Variants in TEX51 observed in about 807,000 individuals in gnomAD.
The protein encoded by TEX51 is testis expressed 51.
In TEX51, 14 loss-of-function variants were observed where a neutral mutation model predicts 8.0. That is an observed-to-expected ratio of 1.76 (90% CI 1.16 to 2.75). The LOEUF is 2.75. TEX51 is among the 30% of genes most tolerant of loss of function. The pLI, the probability that TEX51 is intolerant of heterozygous loss-of-function variation, is 0.00. For missense variants in TEX51, 142 were observed against 77.4 expected, an observed-to-expected ratio of 1.83 and a Z score of -3.13; for synonymous variants, 58 against 28.6, an observed-to-expected ratio of 2.03 and a Z score of -3.29.
chr2:126,901,719 G>A (rs1291492006), intron 6 of TEX51, 153 bp from the exon 7 acceptor site: 2 of 571,442 alleles, frequency 3.5e-6, no homozygotes, highest in Non-Finnish European at 6.2e-6. Context: ...GCCCTGCCCT[G>A]ACCCACAGGG....
rs1680212509 is a variant in TEX51, at chr2:126,899,582, A to T, written c.280A>T (p.Asn94Tyr). 3 of 702,076 alleles carry T rather than the reference A, an allele frequency of 4.3e-6. No individual in the cohort carries two copies. The highest frequency in any genetic ancestry group is 7.8e-6 in the Non-Finnish European group (3 of 384,770). 43.5% of individuals were successfully genotyped at this position (702,076 alleles called of 1,614,324 possible). ...CAAGAATCTCTTTACTGAGAGGCTG[A>T]ATAAGATATCTGATGGGCTGAAGGA... Reference protein sequence around the residue: ...THKNLFTERLNKISDGLKEKD... With the variant: ...THKNLFTERLYKISDGLKEKD... The change falls in exon 3 of 7, where the codon AAT becomes TAT. Residue 94 changes from asparagine to tyrosine, a missense_variant. Transcript: ENST00000568484.
At position 126,901,327 on chromosome 2, in the gene TEX51, C is replaced by G. The variant is rs1198376279; in HGVS notation, c.464-38C>G. The G allele has an allele frequency of 4.3e-6, 3 of 702,156 alleles. No individual in the cohort carries two copies. In the Admixed American group the frequency reaches 6.0e-5, roughly 14 times the overall value. The allele number at this position is 702,156 out of a possible 1,614,324, so 43.5% of individuals were successfully genotyped here. ...CCCAGCATCCCCAGGGAAGACACAC[C>G]TATTCCCTGACTGACTCCACCCTGT... On this transcript the variant is annotated intron_variant, in intron 5 of 6. Transcript: ENST00000568484.
At position 126,899,616 on chromosome 2, in the gene TEX51, A is replaced by G. The variant is rs1233548668; in HGVS notation, c.310+4A>G. ...TCTGATGGGCTGAAGGAGAAGGGTA[A>G]GGGGTGGGGACGATCCCTGCACACG... is the stretch of plus-strand genomic sequence containing the variant. On this transcript the variant is annotated splice_donor_region_variant and intron_variant, in intron 3 of 6. Transcript: ENST00000568484. 1.4e-6 allele frequency: 1 copy of G among 701,274 alleles called. No individual in the cohort carries two copies. The highest frequency in any genetic ancestry group is 2.0e-5 in the Admixed American group (1 of 49,962). The allele number at this position is 701,274 out of a possible 1,614,324, so 43.4% of individuals were successfully genotyped here. A position where few individuals can be genotyped will look rare whatever the true frequency, so the allele number is the denominator to read the frequency against.
Position 126,901,985 on chromosome 2 carries a change from TG to T in TEX51, c.*119del, listed in dbSNP as rs761908841. 8 of 604,550 alleles carry T rather than the reference TG, an allele frequency of 1.3e-5. No individual in the cohort carries two copies. The highest frequency in any genetic ancestry group is 3.1e-5 in the East Asian group (1 of 32,218). The allele number at this position is 604,550 out of a possible 1,614,324, so 37.4% of individuals were successfully genotyped here. A position where few individuals can be genotyped will look rare whatever the true frequency, so the allele number is the denominator to read the frequency against. ...CCCCATCCCCCCATACCCTCCATCC[TG>T]GGTCCTGGGGCCCCAAAGCTCTGAG... On this transcript the variant is annotated 3_prime_UTR_variant, in exon 7 of 7. Transcript: ENST00000568484.
chr2:126,901,817 G>C (rs1680347491), intron 6 of TEX51, 55 bp from the exon 7 acceptor site: 1 of 577,036 alleles, frequency 1.7e-6, no homozygotes, highest in Non-Finnish European at 3.1e-6. Context: ...ACAGGGAGGA[G>C]GCCAGAGTAG....
Position 126,899,520 on chromosome 2 carries a change from C to G in TEX51, c.221-3C>G. 1.8e-6 allele frequency: 1 copy of G among 559,158 alleles called. No homozygotes were observed. The highest frequency in any genetic ancestry group is 3.2e-6 in the Non-Finnish European group (1 of 311,262). 34.6% of individuals were successfully genotyped at this position (559,158 alleles called of 1,614,324 possible). ...AACACCCCTTCCCTCCTGCTCTACC[C>G]AGATAAAACAGTACTTCTGGAAGAG... On this transcript the variant is annotated splice_polypyrimidine_tract_variant and splice_region_variant and intron_variant, in intron 2 of 6. Transcript: ENST00000568484.
chr2:126,900,003 C>A lies in TEX51; in HGVS notation c.378C>A (p.Asp126Glu). ...DCRTHFLSCN[D>E]PTFCPARNRR... The stretch of plus-strand genomic sequence containing the variant: ...GGACTCACTTCCTCTCCTGCAATGA[C>A]CCCACTTTCTGCCCAGGTCAGTGGC... The change falls in exon 4 of 7, where the codon GAC becomes GAA. Residue 126 changes from aspartate (D) to glutamate (E), a missense_variant. Transcript: ENST00000568484. 1 of 701,076 alleles carries A rather than the reference C, an allele frequency of 1.4e-6. No homozygotes were observed. The highest frequency in any genetic ancestry group is 2.6e-6 in the Non-Finnish European group (1 of 384,802). 43.4% of individuals were successfully genotyped at this position (701,076 alleles called of 1,614,324 possible). A position where few individuals can be genotyped will look rare whatever the true frequency, so the allele number is the denominator to read the frequency against.
intron 3 of TEX51, 63 bp downstream of exon 3, chr2:126,899,675 A>G: frequency 1.4e-6 from 1 of 694,178 alleles, no homozygotes; most frequent in Non-Finnish European, 2.6e-6. Context: ...GACCCAAGGC[A>G]TGCAGATTTC....
chr2:126,900,206 C>T (rs929874135), intron 4 of TEX51, among the ~76,000 whole-genome samples, 187 bp downstream of exon 4: 3 of 152,032 alleles, frequency 2.0e-5, no homozygotes, highest in Non-Finnish European at 4.4e-5. Flanking sequence ...CCCTTGGAGG[C>T]ATCTGCCTGT....
chr2:126,901,350 T>C lies in TEX51; in HGVS notation c.464-15T>C, dbSNP rs1394892250. 3 of 702,294 alleles carry C rather than the reference T, an allele frequency of 4.3e-6. No individual in the cohort carries two copies. Among genetic ancestry groups the C allele is most frequent in the Non-Finnish European group, 7.8e-6 (3 of 384,800 alleles). 43.5% of individuals were successfully genotyped at this position (702,294 alleles called of 1,614,324 possible). ...ACCTATTCCCTGACTGACTCCACCCTGTTTCTTGGCCCAGATGTTTCTTTT... is the reference window on the plus strand; with the variant it reads ...ACCTATTCCCTGACTGACTCCACCCCGTTTCTTGGCCCAGATGTTTCTTTT... On this transcript the variant is annotated splice_polypyrimidine_tract_variant and intron_variant, in intron 5 of 6. Coordinates refer to ENST00000568484, the MANE Select transcript of TEX51 (RefSeq NM_001322244.2).
At position 126,900,444 on chromosome 2, in the gene TEX51, C is replaced by T. The variant is rs1301372594; in HGVS notation, c.394+425C>T. ...GAAAAGAAAAAGAAAAATGCCCAAT[C>T]CCATCAAACCCCCAAACCTGTTCTT... On this transcript the variant is annotated intron_variant, in intron 4 of 6. Coordinates refer to ENST00000568484, the MANE Select transcript of TEX51 (RefSeq NM_001322244.2). Among the ~76,000 whole-genome samples the T allele has an allele frequency of 4.0e-5, 6 of 151,814 alleles. No homozygotes were observed. In the East Asian group the frequency reaches 1.2e-3, roughly 29 times the overall value.
In TEX51 at chr2:126,899,224, C is replaced by T; in HGVS notation, c.153C>T (p.Asp51=). 1 of 702,256 alleles carries T rather than the reference C, an allele frequency of 1.4e-6. No individual in the cohort carries two copies. The highest frequency in any genetic ancestry group is 2.6e-6 in the Non-Finnish European group (1 of 384,822). The allele number at this position is 702,256 out of a possible 1,614,324, so 43.5% of individuals were successfully genotyped here. The change falls in exon 2 of 7, where the codon GAC becomes GAT. Residue 51 remains aspartate (D), a synonymous_variant. Transcript: ENST00000568484. ...CCTGTATCTCATCCTCAGATCGTGA[C>T]CATTTGGAAGAAGAAACAGCCAAAT... ...GPPTELSQNR[D]HLEEETAKFF...
chr2:126,901,994 G>GGCCCCAAAGCTCTGAGGCCTA lies in TEX51; in HGVS notation c.*126_*127insCCCCAAAGCTCTGAGGCCTAG. On this transcript the variant is annotated 3_prime_UTR_variant, in exon 7 of 7. Transcript: ENST00000568484. The stretch of plus-strand genomic sequence containing the variant: ...CCCATACCCTCCATCCTGGGTCCTG[G>GGCCCCAAAGCTCTGAGGCCTA]GGCCCCAAAGCTCTGAGGCCTAGGA... 1.7e-6 allele frequency: 1 copy of GGCCCCAAAGCTCTGAGGCCTA among 581,438 alleles called. No homozygotes were observed. 36.0% of individuals were successfully genotyped at this position (581,438 alleles called of 1,614,324 possible). A position where few individuals can be genotyped will look rare whatever the true frequency, so the allele number is the denominator to read the frequency against.
intron 3 of TEX51, 68 bp from the exon 4 acceptor site, chr2:126,899,868 G>T: frequency 1.4e-6 from 1 of 702,170 alleles, no homozygotes; most frequent in Non-Finnish European, 2.6e-6. Context: ...GTATGCATGG[G>T]GACTGGGCCT....
Position 126,899,439 on chromosome 2 carries a change from A to G in TEX51, c.221-84A>G, listed in dbSNP as rs546656962. 23 of 678,388 alleles carry G rather than the reference A, an allele frequency of 3.4e-5. No homozygotes were observed. In the East Asian group the frequency reaches 5.7e-4, roughly 17 times the overall value. The allele number at this position is 678,388 out of a possible 1,614,324, so 42.0% of individuals were successfully genotyped here. A position where few individuals can be genotyped will look rare whatever the true frequency, so the allele number is the denominator to read the frequency against. On this transcript the variant is annotated intron_variant, in intron 2 of 6. Transcript: ENST00000568484. Reference sequence around the variant, plus strand: ...AGTCTGTCTCCGTGTGCTCTTTGGAACTTCCATGTAGAAACAAGGGTCTGA... The same window carrying G: ...AGTCTGTCTCCGTGTGCTCTTTGGAGCTTCCATGTAGAAACAAGGGTCTGA...
At position 126,902,080 on chromosome 2, in the gene TEX51, A is replaced by T; in HGVS notation, c.*211A>T. Reference sequence around the variant, plus strand: ...CTTTGTAAAGAGTCTCTTCATTAAAACCCCTCTTCATAGCCTAGTTGACTG... The same window carrying T: ...CTTTGTAAAGAGTCTCTTCATTAAATCCCCTCTTCATAGCCTAGTTGACTG... On this transcript the variant is annotated 3_prime_UTR_variant, in exon 7 of 7. Coordinates refer to ENST00000568484, the MANE Select transcript of TEX51 (RefSeq NM_001322244.2). 1 of 423,864 alleles carries T rather than the reference A, an allele frequency of 2.4e-6. No individual in the cohort carries two copies. The highest frequency in any genetic ancestry group is 2.1e-5 in the African/African-American group (1 of 47,086). 26.3% of individuals were successfully genotyped at this position (423,864 alleles called of 1,614,324 possible). A position where few individuals can be genotyped will look rare whatever the true frequency, so the allele number is the denominator to read the frequency against.
chr2:126,901,215 A>G lies in TEX51; in HGVS notation c.400A>G (p.Asn134Asp), dbSNP rs1680311061. ...CTTCCTCTTTCACACCCCAGCCAGG[A>G]ACCGGCGGACCTCCCTGTGGGCTGT... ...CNDPTFCPARNRRTSLWAVSL... is the reference protein window; with the variant it reads ...CNDPTFCPARDRRTSLWAVSL... Residue 134 changes from asparagine (N) to aspartate (D), a missense_variant, in exon 5 of 7, where the codon AAC becomes GAC. Physicochemically the swap from Asn to Asp is conservative, Grantham distance 23 (BLOSUM62 1). Coordinates refer to ENST00000568484, the MANE Select transcript of TEX51 (RefSeq NM_001322244.2). The G allele has an allele frequency of 3.0e-6, 2 of 655,872 alleles. No individual in the cohort carries two copies. The highest frequency in any genetic ancestry group is 5.6e-6 in the Non-Finnish European group (2 of 357,678). 40.6% of individuals were successfully genotyped at this position (655,872 alleles called of 1,614,324 possible). A position where few individuals can be genotyped will look rare whatever the true frequency, so the allele number is the denominator to read the frequency against.
chr2:126,899,698 C>T, intron 3 of TEX51, 86 bp downstream of exon 3: 3 of 694,230 alleles, frequency 4.3e-6, no homozygotes, highest in Non-Finnish European at 5.3e-6. Context: ...TCTGCAGCCC[C>T]CTCGATCATC....
chr2:126,900,930 T>C (rs572862245), intron 4 of TEX51, among the ~76,000 whole-genome samples: 46 of 152,320 alleles, frequency 3.0e-4, no homozygotes, highest in Admixed American at 5.9e-4. Context: ...CTCAGACTCC[T>C]GTTTTCTAAG....
Sources: allele counts gnomAD v4.1 joint callset (sites outside exome capture counted in the v4.1 genomes callset), GRCh38; gene constraint gnomAD v4.1.1; transcripts MANE v1.5; gene names NCBI Gene and HGNC (gene_info 2026-07-23, HGNC 2026-07-21).